CIMAP1A: variants seen among roughly 807,000 people sequenced by gnomAD.
CIMAP1A encodes ciliary microtubule associated protein 1A.
chr11:198,867 TA>T, the CIMAP1A span: 1 of 1,300,930 alleles, frequency 7.7e-7, no homozygotes, highest in Non-Finnish European at 9.8e-7. Flanking sequence ...CAATCTTAGA[TA>T]GGGTAGCATG....
At chr11:199,760 G>A in the CIMAP1A span, 10 of 1,438,172 alleles carry the variant, frequency 7.0e-6, no homozygotes, top group Non-Finnish European at 9.1e-6. Context: ...CAGAGACCCT[G>A]CCCTTTTCCC....
chr11:199,195 C>A, the CIMAP1A span: 1 of 1,435,866 alleles, frequency 7.0e-7, no homozygotes, highest in East Asian at 2.5e-5. Flanking sequence ...TGAGGTACCC[C>A]ACAAGCAGTG....
chr11:197,545 C>A, the CIMAP1A span: 1 of 1,611,836 alleles, frequency 6.2e-7, no homozygotes, highest in Non-Finnish European at 8.5e-7. Context: ...CTGCTCAGGG[C>A]CCATTGCGTC....
At chr11:198,991 G>A in the CIMAP1A span, 4 of 1,182,576 alleles carry the variant, frequency 3.4e-6, no homozygotes, top group African/African-American at 4.7e-5. Context: ...AGAGCTTGAG[G>A]GGCCTGAGAT....
the CIMAP1A span, chr11:199,175 G>A: frequency 9.8e-6 from 14 of 1,423,794 alleles, no homozygotes; most frequent in Non-Finnish European, 1.3e-5. Context: ...TGGAGGAAGT[G>A]ACCCCCACAT....
At chr11:198,770 G>A in the CIMAP1A span, 1 of 1,437,496 alleles carries the variant, frequency 7.0e-7, no homozygotes. Context: ...CAGGCAACAG[G>A]CCAGAAGGGA....
the CIMAP1A span, chr11:198,504 T>C: frequency 6.2e-7 from 1 of 1,613,158 alleles, no homozygotes. Flanking sequence ...TGGGGCCCAA[T>C]ACCGTCGGCA....
the CIMAP1A span, chr11:197,773 T>C: frequency 1.2e-6 from 2 of 1,612,288 alleles, no homozygotes; most frequent in African/African-American, 2.7e-5. Flanking sequence ...TTAGTGACCC[T>C]GTCTCAGGCT....
At chr11:198,807 G>A in the CIMAP1A span, 2 of 1,411,660 alleles carry the variant, frequency 1.4e-6, no homozygotes, top group Non-Finnish European at 1.8e-6. Flanking sequence ...CATGGACCGT[G>A]CTGAGGACAA....
At chr11:197,332 T>C in the CIMAP1A span, 52 of 1,588,686 alleles carry the variant, frequency 3.3e-5, no homozygotes, top group Non-Finnish European at 4.1e-5. Context: ...GATGGGTACC[T>C]GGAGGCCCCA....
chr11:198,082 C>T, the CIMAP1A span: 2 of 1,548,314 alleles, frequency 1.3e-6, no homozygotes, highest in African/African-American at 1.4e-5. Context: ...TTGGTCACCA[C>T]CTGTGTTGGA....
At chr11:198,402 A>G in the CIMAP1A span, 1 of 1,613,052 alleles carries the variant, frequency 6.2e-7, no homozygotes, top group Non-Finnish European at 8.5e-7. Flanking sequence ...GAGTTGGGGG[A>G]GAGCCCCAGG....
chr11:197,075 C>T, the CIMAP1A span: 1 of 417,280 alleles, frequency 2.4e-6, no homozygotes, highest in Non-Finnish European at 4.3e-6. Context: ...TGGACAGCAA[C>T]TCTGGGTTAC....
the CIMAP1A span, chr11:197,805 C>A: frequency 6.3e-7 from 1 of 1,587,828 alleles, no homozygotes. Context: ...CAGCCTCAGG[C>A]CTGCCCCTCC....
At chr11:199,904 G>A in the CIMAP1A span, 3 of 1,609,722 alleles carry the variant, frequency 1.9e-6, no homozygotes, top group Middle Eastern at 1.7e-4. Context: ...GCAGGTGGGG[G>A]CAGGGGTGCT....
chr11:198,919 G>C, the CIMAP1A span: 1 of 1,209,950 alleles, frequency 8.3e-7, no homozygotes, highest in African/African-American at 1.6e-5. Context: ...TGAGCTATTT[G>C]GGGGAGGAGG....
At chr11:199,671 G>A in the CIMAP1A span, 1 of 760,588 alleles carries the variant, frequency 1.3e-6, no homozygotes. Context: ...GTGGGGTGGG[G>A]ATGGGAGGCA....
chr11:199,591 G>A, the CIMAP1A span: 3 of 1,493,668 alleles, frequency 2.0e-6, no homozygotes, highest in Admixed American at 6.6e-5. Flanking sequence ...AGCAGGGAGG[G>A]GGGCTGGGAC....
At chr11:200,084 G>C in the CIMAP1A span, 1 of 1,591,510 alleles carries the variant, frequency 6.3e-7, no homozygotes. Context: ...AAGATCCGCC[G>C]GGCCACAGAG....
Sources: gnomAD v4.1 joint callset for allele counts on GRCh38, gnomAD v4.1.1 for gene constraint, MANE v1.5 for transcripts, NCBI Gene and HGNC (gene_info 2026-07-23, HGNC 2026-07-21) for gene names.